The following CARNMT1 variants were observed in gnomAD, a reference collection of about 807,000 sequenced individuals.
CARNMT1 encodes the protein protein-L-histidine N-pros-methyltransferase CARNMT1.
In CARNMT1, 28 loss-of-function variants were observed where a neutral mutation model predicts 49.6. The ratio of observed to expected loss-of-function variants is 0.56; its 90% CI spans 0.42 to 0.77. The LOEUF is 0.77. Among genes scored for constraint, CARNMT1 ranks in the 30% least tolerant of loss-of-function variants. CARNMT1 has a pLI of 0.00. For synonymous variants in CARNMT1, 178 were observed against 175.0 expected (o/e 1.02, Z -0.13); for missense variants, 421 against 512.6 (o/e 0.82, Z 1.73).
intron 6 of CARNMT1, among the ~76,000 whole-genome samples, chr9:74,993,849 G>A (rs1833106708): frequency 6.6e-6 from 1 of 152,088 alleles, no homozygotes; most frequent in Admixed American, 6.6e-5. Flanking sequence ...TGGAATAGAA[G>A]GATATTCAAG....
chr9:74,998,509 G>A, intron 5 of CARNMT1, 89 bp downstream of exon 5: 1 of 1,066,972 alleles, frequency 9.4e-7, no homozygotes, highest in Non-Finnish European at 1.3e-6. Context: ...CCATCAAAAT[G>A]AATGATCTAA....
At chr9:75,027,965 G>C in intron 1 of CARNMT1, 47 bp downstream of exon 1, 1 of 1,510,182 alleles carries the variant, frequency 6.6e-7, no homozygotes, top group Non-Finnish European at 8.8e-7. Context: ...GCCGCCACCA[G>C]TGGGCGCCCC....
chr9:75,021,267 T>TGTATATATACATAGTATATACATA, intron 1 of CARNMT1, among the ~76,000 whole-genome samples: 1 of 142,916 alleles, frequency 7.0e-6, no homozygotes, highest in South Asian at 2.1e-4. Context: ...ATAGTATATA[T>TGTATATATACATAGTATATACATA]GTATATATAC....
At chr9:75,027,110 G>A in intron 1 of CARNMT1, 1 of 1,304,246 alleles carries the variant, frequency 7.7e-7, no homozygotes, top group Non-Finnish European at 1.0e-6. Context: ...ATAGTCACCG[G>A]TGGACTCATA....
At chr9:75,001,500 A>C (rs1833354685) in intron 3 of CARNMT1, among the ~76,000 whole-genome samples, 1 of 152,236 alleles carries the variant, frequency 6.6e-6, no homozygotes, top group Non-Finnish European at 1.5e-5. Context: ...AGAATGAAGA[A>C]TATATCAAAG....
intron 1 of CARNMT1, among the ~76,000 whole-genome samples, chr9:75,027,616 T>C (rs1292566515): frequency 6.6e-6 from 1 of 152,156 alleles, no homozygotes; most frequent in Non-Finnish European, 1.5e-5. Flanking sequence ...TGTGTTCAGT[T>C]TGGAGGACAT....
chr9:74,984,002 A>T, intron 7 of CARNMT1, 134 bp from the exon 8 acceptor site: 1 of 478,768 alleles, frequency 2.1e-6, no homozygotes, highest in East Asian at 3.2e-5. Flanking sequence ...TACCCCCATA[A>T]GAGAGGTACT....
intron 6 of CARNMT1, among the ~76,000 whole-genome samples, chr9:74,988,718 G>A (rs562658452): frequency 6.6e-6 from 1 of 152,276 alleles, no homozygotes; most frequent in African/African-American, 2.4e-5. Context: ...CCCACTTACA[G>A]TGTCTAGCAT....
intron 3 of CARNMT1, among the ~76,000 whole-genome samples, chr9:75,011,949 G>A (rs555171614): frequency 3.3e-5 from 5 of 152,242 alleles, no homozygotes; most frequent in South Asian, 2.1e-4. Context: ...AACACAGCCC[G>A]GCAGACACGT....
chr9:74,984,834 C>A, intron 7 of CARNMT1, 73 bp downstream of exon 7: 1 of 925,118 alleles, frequency 1.1e-6, no homozygotes, highest in South Asian at 1.4e-5. Flanking sequence ...TAGTCACTAA[C>A]AGCCATGATA....
intron 3 of CARNMT1, among the ~76,000 whole-genome samples, chr9:75,005,279 CTTAA>C (rs1750797878): frequency 7.0e-6 from 1 of 142,408 alleles, no homozygotes; most frequent in African/African-American, 2.6e-5. Context: ...ACAGCATTTC[CTTAA>C]TTAACAAACA....
intron 3 of CARNMT1, among the ~76,000 whole-genome samples, chr9:75,008,713 T>G (rs1418910110): frequency 2.0e-5 from 3 of 152,196 alleles, no homozygotes; most frequent in African/African-American, 7.2e-5. Context: ...ACTGTGATAA[T>G]GTGTAAGATT....
chr9:74,992,319 T>G (rs1833051146), intron 6 of CARNMT1, among the ~76,000 whole-genome samples: 1 of 151,984 alleles, frequency 6.6e-6, no homozygotes, highest in African/African-American at 2.4e-5. Flanking sequence ...TGCTCTAAAA[T>G]CTGATAAGAC....
chr9:74,984,689 G>A (rs541221593), intron 7 of CARNMT1, among the ~76,000 whole-genome samples: 4 of 152,172 alleles, frequency 2.6e-5, no homozygotes, highest in African/African-American at 9.6e-5. Flanking sequence ...CCCAAGATAT[G>A]TCACGTATAT....
chr9:75,021,610 C>T (rs988827836), intron 1 of CARNMT1, among the ~76,000 whole-genome samples: 1 of 151,176 alleles, frequency 6.6e-6, no homozygotes, highest in South Asian at 2.1e-4. Flanking sequence ...CTAGAGGGAA[C>T]CACTTCTAAC....
At chr9:74,999,335 G>A (rs1833289999) in intron 4 of CARNMT1, among the ~76,000 whole-genome samples, 1 of 152,112 alleles carries the variant, frequency 6.6e-6, no homozygotes, top group Non-Finnish European at 1.5e-5. Context: ...CATTTTATAA[G>A]AACTTGATTA....
intron 3 of CARNMT1, among the ~76,000 whole-genome samples, chr9:75,012,778 C>T (rs998733979): frequency 6.6e-6 from 1 of 151,576 alleles, no homozygotes; most frequent in Non-Finnish European, 1.5e-5. Context: ...ATTAGCCAGG[C>T]GTCGTGGCGG....
At chr9:75,007,243 G>A (rs892881502) in intron 3 of CARNMT1, among the ~76,000 whole-genome samples, 1 of 152,114 alleles carries the variant, frequency 6.6e-6, no homozygotes, top group African/African-American at 2.4e-5. Context: ...AAACAACAAT[G>A]TTTATTTAAA....
intron 1 of CARNMT1, among the ~76,000 whole-genome samples, chr9:75,018,968 T>TAAA (rs35324700): frequency 5.4e-5 from 4 of 74,548 alleles, no homozygotes; most frequent in Non-Finnish European, 8.9e-5. Context: ...CTCCATCTCA[T>TAAA]AAAAAAAAAA....
Sources: allele counts gnomAD v4.1 joint callset (sites outside exome capture counted in the v4.1 genomes callset), GRCh38; gene constraint gnomAD v4.1.1; transcripts MANE v1.5; gene names NCBI Gene and HGNC (gene_info 2026-07-23, HGNC 2026-07-21).